The following HPF1 variants were observed in gnomAD, a reference collection of about 807,000 sequenced individuals.
HPF1 encodes the protein histone PARylation factor 1.
A neutral mutation model predicts 38.8 loss-of-function variants in HPF1; 35 were observed. The observed-to-expected ratio is 0.90, with a 90% CI of 0.69 to 1.19. HPF1 has a LOEUF of 1.19. Ranked by LOEUF, HPF1 falls within the 50% of genes most tolerant of loss-of-function variation. The probability of loss-of-function intolerance (pLI) is 0.00; values close to 1 mark genes in which losing one functional copy is unlikely to be tolerated. For synonymous variants in HPF1, 115 were observed against 139.2 expected, an observed-to-expected ratio of 0.83 and a Z score of 1.22; for missense variants, 367 against 405.8, an observed-to-expected ratio of 0.90 and a Z score of 0.82.
rs747837401 is a variant in HPF1, at chr4:169,757,849, G to T, written c.29C>A (p.Pro10His). 6.4e-7 allele frequency: 1 copy of T among 1,565,234 alleles called. No homozygotes were observed. Among genetic ancestry groups the T allele is most frequent in the Non-Finnish European group, 8.6e-7 (1 of 1,162,748 alleles). Residue 10 changes from proline (P) to histidine (H), a missense_variant, in exon 1 of 8, where the codon CCC becomes CAC. By Grantham distance (77) the Pro-to-His change is moderately conservative. Transcript: ENST00000393381. MVGGGGKRR[P>H]GGEGPQCEKT... ...CAGTACCTGCGGCCCCTCTCCGCCG[G>T]GCCTGCGCTTCCCGCCACCGCCGAC...
chr4:169,737,795 A>C (rs1480980424), intron 5 of HPF1, 48 bp from the exon 6 acceptor site: 3 of 1,141,444 alleles, frequency 2.6e-6, no homozygotes, highest in Non-Finnish European at 3.9e-6. Flanking sequence ...GCAGACATCA[A>C]AAAAAAAAAT....
intron 4 of HPF1, among the ~76,000 whole-genome samples, chr4:169,746,936 A>G (rs1400338778): frequency 7.4e-5 from 11 of 149,538 alleles, no homozygotes; most frequent in Non-Finnish European, 1.6e-4. Context: ...AAAAAAAAAA[A>G]GATACCAGAA....
At chr4:169,747,669 T>C (rs1734066384) in intron 4 of HPF1, among the ~76,000 whole-genome samples, 1 of 152,178 alleles carries the variant, frequency 6.6e-6, no homozygotes, top group Non-Finnish European at 1.5e-5. Context: ...TCCAACCCCT[T>C]CCCCATGAAA....
chr4:169,752,995 T>C (rs35962500), intron 2 of HPF1, among the ~76,000 whole-genome samples: 6,581 of 151,542 alleles, frequency 0.043, 270 homozygotes, highest in African/African-American at 0.11. Flanking sequence ...GGAAAATATT[T>C]GTTTTCTATG....
chr4:169,757,738 T>C (rs893770604), intron 1 of HPF1, 92 bp downstream of exon 1: 39 of 1,203,396 alleles, frequency 3.2e-5, no homozygotes, highest in Non-Finnish European at 4.0e-5. Context: ...GCAAGCTTAA[T>C]AGTCACTGGA....
At chr4:169,743,711 G>T (rs1229547780) in intron 4 of HPF1, among the ~76,000 whole-genome samples, 1 of 152,100 alleles carries the variant, frequency 6.6e-6, no homozygotes, top group East Asian at 1.9e-4. Flanking sequence ...AGAGCGGCAA[G>T]AGTGTGCCAG....
At position 169,757,922 on chromosome 4, in the gene HPF1, T is replaced by C. The variant is rs556727480; in HGVS notation, c.-45A>G. The stretch of plus-strand genomic sequence containing the variant: ...CAGAATTCCCCGATCCGCGGCCGCT[T>C]CCGAGCGCCGCCAACCGCTTCCGGG... On this transcript the variant is annotated 5_prime_UTR_variant, in exon 1 of 8. Transcript: ENST00000393381. The C allele has an allele frequency of 5.9e-4, 895 of 1,527,056 alleles. 1 individual carries two copies. The highest frequency in any genetic ancestry group is 6.1e-4 in the Non-Finnish European group (689 of 1,138,538). The allele number at this position is 1,527,056 out of a possible 1,614,324, so 94.6% of individuals were successfully genotyped here. A position where few individuals can be genotyped will look rare whatever the true frequency, so the allele number is the denominator to read the frequency against.
intron 3 of HPF1, 83 bp from the exon 4 acceptor site, chr4:169,748,925 A>C (rs1187154182): frequency 4.6e-6 from 3 of 654,254 alleles, no homozygotes; most frequent in Non-Finnish European, 8.0e-6. Context: ...TACAGACAAC[A>C]ATTTACACCT....
intron 1 of HPF1, among the ~76,000 whole-genome samples, chr4:169,755,335 T>G (rs189026726): frequency 7.9e-5 from 12 of 152,276 alleles, no homozygotes; most frequent in Admixed American, 4.6e-4. Flanking sequence ...CATGAATTTT[T>G]TTTCCAACCA....
intron 5 of HPF1, among the ~76,000 whole-genome samples, chr4:169,739,042 G>C (rs976273315): frequency 6.6e-6 from 1 of 152,176 alleles, no homozygotes; most frequent in Non-Finnish European, 1.5e-5. Context: ...TAATGTAAAT[G>C]ACGAGTTAAT....
intron 4 of HPF1, among the ~76,000 whole-genome samples, chr4:169,744,876 A>G (rs1239014625): frequency 2.1e-4 from 32 of 151,906 alleles, no homozygotes; most frequent in Admixed American, 2.1e-3. Context: ...TCCACTCTAC[A>G]CAACAAAGTA....
intron 2 of HPF1, among the ~76,000 whole-genome samples, chr4:169,751,815 A>G (rs2150293366): frequency 6.6e-6 from 1 of 152,328 alleles, no homozygotes; most frequent in Non-Finnish European, 1.5e-5. Context: ...AAGCATGAAG[A>G]AAACTAAAAC....
At chr4:169,729,797 AC>A (rs1157832046) in intron 7 of HPF1, 88 bp from the exon 8 acceptor site, 7 of 993,464 alleles carry the variant, frequency 7.0e-6, no homozygotes, top group Non-Finnish European at 9.3e-6. Context: ...CACTTGTTTA[AC>A]AAAGGCTACT....
chr4:169,752,168 C>CTT (rs35247508), intron 2 of HPF1, among the ~76,000 whole-genome samples: 1,549 of 107,150 alleles, frequency 0.014, 109 homozygotes, highest in South Asian at 0.023. Flanking sequence ...ACAGGCATGA[C>CTT]TTTTTTTTTT....
chr4:169,730,810 A>C (rs1733819495), intron 7 of HPF1, among the ~76,000 whole-genome samples: 1 of 152,216 alleles, frequency 6.6e-6, no homozygotes, highest in African/African-American at 2.4e-5. Flanking sequence ...CTACCGATAG[A>C]GTGCATTTTA....
chr4:169,735,460 CAAG>C (rs1733880339), intron 6 of HPF1, among the ~76,000 whole-genome samples: 1 of 152,152 alleles, frequency 6.6e-6, no homozygotes, highest in African/African-American at 2.4e-5. Context: ...CTGGCAAGAG[CAAG>C]AAGATTAGGT....
intron 5 of HPF1, among the ~76,000 whole-genome samples, chr4:169,740,200 A>G (rs1368267600): frequency 6.6e-6 from 1 of 152,240 alleles, no homozygotes; most frequent in Non-Finnish European, 1.5e-5. Context: ...GCCAATTAGT[A>G]AGAAGATGGG....
intron 3 of HPF1, among the ~76,000 whole-genome samples, chr4:169,749,650 T>C (rs1321851001): frequency 6.8e-6 from 1 of 147,920 alleles, no homozygotes; most frequent in Non-Finnish European, 1.5e-5. Flanking sequence ...TAGGAATATC[T>C]ATGATAAATC....
chr4:169,751,177 G>A (rs965357176), intron 2 of HPF1, among the ~76,000 whole-genome samples: 5 of 152,002 alleles, frequency 3.3e-5, no homozygotes, highest in Admixed American at 6.6e-5. Context: ...AGGCTGAGGC[G>A]GGCTGATCAC....
Sources: allele counts gnomAD v4.1 joint callset (sites outside exome capture counted in the v4.1 genomes callset), GRCh38; gene constraint gnomAD v4.1.1; transcripts MANE v1.5; gene names NCBI Gene and HGNC (gene_info 2026-07-23, HGNC 2026-07-21).